Variants in GHR observed in about 807,000 individuals in gnomAD.
The protein encoded by GHR is growth hormone receptor.
GHR carries 35 observed loss-of-function variants against 67.1 expected under a neutral mutation model. The observed-to-expected ratio is 0.52, with a 90% CI of 0.40 to 0.69. GHR has a LOEUF of 0.69. GHR is among the 30% of genes least tolerant of loss of function. The probability of loss-of-function intolerance (pLI) is 0.00; values close to 1 mark genes in which losing one functional copy is unlikely to be tolerated. For missense variants in GHR, 792 were observed against 764.6 expected (o/e 1.04, Z -0.42); for synonymous variants, 272 against 269.1 (o/e 1.01, Z -0.10).
rs1018678321 is a variant in GHR, at chr5:42,548,309, A to G, written c.-11-17555A>G. On this transcript the variant is annotated intron_variant, in intron 1 of 9. Transcript: ENST00000230882. ...ATATATCAAAGCAGAAAGACCAAGA[A>G]TTTAGAGATTAATACATGCCAAGTG... 1.3e-5 allele frequency: 13 copies of G among 985,186 alleles called. 1 individual carries two copies. The South Asian group carries it at 5.2e-4, about 39-fold the overall frequency. The allele number at this position is 985,186 out of a possible 1,614,324, so 61.0% of individuals were successfully genotyped here. A position where few individuals can be genotyped will look rare whatever the true frequency, so the allele number is the denominator to read the frequency against.
In GHR at chr5:42,514,473, TA is replaced by T. The variant is rs5867591; in HGVS notation, c.-11-51380del. ...CCATATGCATAAATGGTTCTAGATT[TA>T]AAAAAAAAAAGAAGCTATTCAGAGA... On this transcript the variant is annotated intron_variant, in intron 1 of 9. Coordinates refer to ENST00000230882, the MANE Select transcript of GHR (RefSeq NM_000163.5). 1,409 of 191,850 alleles carry T rather than the reference TA, an allele frequency of 7.3e-3. 1 individual carries two copies. Among genetic ancestry groups the T allele is most frequent in the East Asian group, 9.6e-3 (52 of 5,390 alleles). 11.9% of individuals were successfully genotyped at this position (191,850 alleles called of 1,614,324 possible). A position where few individuals can be genotyped will look rare whatever the true frequency, so the allele number is the denominator to read the frequency against.
chr5:42,715,507 C>G (rs779345270), intron 8 of GHR, among the ~76,000 whole-genome samples: 23 of 152,264 alleles, frequency 1.5e-4, no homozygotes, highest in Non-Finnish European at 2.9e-4. Flanking sequence ...TTATTTGTAT[C>G]TGATACAAAA....
chr5:42,562,446 A>G (rs976178812), intron 1 of GHR, among the ~76,000 whole-genome samples: 2 of 152,046 alleles, frequency 1.3e-5, no homozygotes, highest in Admixed American at 1.3e-4. Flanking sequence ...TCGGGTCCCT[A>G]TGCAGTGTTC....
intron 1 of GHR, among the ~76,000 whole-genome samples, chr5:42,490,721 C>A (rs1252044350): frequency 1.3e-5 from 2 of 152,174 alleles, no homozygotes; most frequent in Non-Finnish European, 2.9e-5. Flanking sequence ...CTTATAATTG[C>A]ACAGATTCAA....
rs111231089 is a variant in GHR at position 42,469,163 on chromosome 5, T to C, written c.-12+45208T>C. Among the ~76,000 whole-genome samples, 383 of 152,360 alleles carry C rather than the reference T, an allele frequency of 2.5e-3. 2 individuals are homozygous for C. Among genetic ancestry groups the C allele is most frequent in the African/African-American group, 8.8e-3 (364 of 41,580 alleles). On this transcript the variant is annotated intron_variant, in intron 1 of 9. Transcript: ENST00000230882. ...AACTTGAGACAAGACCCTTATTGTC[T>C]GTTTTATTATTTACTGCTAACAAAC...
intron 1 of GHR, among the ~76,000 whole-genome samples, chr5:42,497,647 C>G (rs1746375911): frequency 6.6e-6 from 1 of 152,142 alleles, no homozygotes; most frequent in Admixed American, 6.5e-5. Context: ...ACCTTATGTA[C>G]CTTCACCTCA....
At chr5:42,544,688 A>C (rs1748659800) in intron 1 of GHR, among the ~76,000 whole-genome samples, 1 of 152,184 alleles carries the variant, frequency 6.6e-6, no homozygotes, top group Non-Finnish European at 1.5e-5. Context: ...TTAGGTATAC[A>C]AAGTAACCCA....
At chr5:42,552,559 T>A (rs1749089598) in intron 1 of GHR, among the ~76,000 whole-genome samples, 1 of 152,184 alleles carries the variant, frequency 6.6e-6, no homozygotes, top group Non-Finnish European at 1.5e-5. Context: ...TTGTATCAGT[T>A]GATCCAGAAG....
rs551464115 is a variant in GHR at position 42,468,062 on chromosome 5, C to A, written c.-12+44107C>A. ...TTTCTGGATTCTTCCTAATATGATG[C>A]GGGGGTTTTCAGCTTCCTCACGTAT... is the stretch of plus-strand genomic sequence containing the variant. On this transcript the variant is annotated intron_variant, in intron 1 of 9. Coordinates refer to ENST00000230882, the MANE Select transcript of GHR (RefSeq NM_000163.5). The A allele has an allele frequency of 8.8e-6, 8 of 904,928 alleles. No homozygotes were observed. The African/African-American group carries it at 1.3e-4, about 15-fold the overall frequency. The allele number at this position is 904,928 out of a possible 1,614,324, so 56.1% of individuals were successfully genotyped here. A position where few individuals can be genotyped will look rare whatever the true frequency, so the allele number is the denominator to read the frequency against.
At chr5:42,624,638 T>A (rs1225621278) in intron 2 of GHR, among the ~76,000 whole-genome samples, 1 of 131,540 alleles carries the variant, frequency 7.6e-6, no homozygotes, top group African/African-American at 3.5e-5. Flanking sequence ...TACAAAAATT[T>A]CCTTTCACTT....
chr5:42,675,123 A>G (rs1756508178), intron 3 of GHR, among the ~76,000 whole-genome samples: 1 of 152,230 alleles, frequency 6.6e-6, no homozygotes, highest in Non-Finnish European at 1.5e-5. Context: ...GTCATTCAGT[A>G]TAATTGTCTT....
At chr5:42,577,273 G>A (rs1297584860) in intron 2 of GHR, among the ~76,000 whole-genome samples, 1 of 152,214 alleles carries the variant, frequency 6.6e-6, no homozygotes. Context: ...GAGAAAACCA[G>A]TGGACAAGAT....
At chr5:42,486,940 C>T (rs565756102) in intron 1 of GHR, among the ~76,000 whole-genome samples, 1 of 151,914 alleles carries the variant, frequency 6.6e-6, no homozygotes, top group African/African-American at 2.4e-5. Context: ...TAACTTCTTA[C>T]ATTTCTGTAG....
At chr5:42,694,683 A>C (rs1757583322) in intron 4 of GHR, among the ~76,000 whole-genome samples, 1 of 152,222 alleles carries the variant, frequency 6.6e-6, no homozygotes, top group Non-Finnish European at 1.5e-5. Context: ...ATATTCATTC[A>C]ATAAACGGAA....
At chr5:42,500,402 A>C (rs539293483) in intron 1 of GHR, among the ~76,000 whole-genome samples, 1 of 152,392 alleles carries the variant, frequency 6.6e-6, no homozygotes, top group African/African-American at 2.4e-5. Flanking sequence ...CAAATGACTC[A>C]GTATTTCTTG....
intron 1 of GHR, chr5:42,467,769 C>CT: frequency 6.5e-7 from 1 of 1,533,912 alleles, no homozygotes; most frequent in Non-Finnish European, 9.0e-7. Context: ...GGTTTGCACT[C>CT]TGACTAAATC....
chr5:42,436,178 T>C (rs1026535562), intron 1 of GHR, among the ~76,000 whole-genome samples: 4 of 152,204 alleles, frequency 2.6e-5, no homozygotes, highest in African/African-American at 9.6e-5. Flanking sequence ...TAGCCTTGAG[T>C]AACTTAGCTG....
At chr5:42,474,279 GAA>G (rs762174547) in intron 1 of GHR, among the ~76,000 whole-genome samples, 64 of 124,268 alleles carry the variant, frequency 5.2e-4, no homozygotes, top group African/African-American at 1.8e-3. Flanking sequence ...AAGAAAGAAA[GAA>G]AGAAAAAGAG....
chr5:42,603,720 A>C (rs1225531716), intron 2 of GHR, among the ~76,000 whole-genome samples: 4 of 152,212 alleles, frequency 2.6e-5, no homozygotes, highest in Non-Finnish European at 5.9e-5. Context: ...CTTTGTGACA[A>C]AATGTGTGTT....
Sources: allele counts gnomAD v4.1 joint callset (sites outside exome capture counted in the v4.1 genomes callset), GRCh38; gene constraint gnomAD v4.1.1; transcripts MANE v1.5; gene names NCBI Gene and HGNC (gene_info 2026-07-23, HGNC 2026-07-21).